The following TMEM87A variants were observed in gnomAD, a reference collection of about 807,000 sequenced individuals.
TMEM87A encodes the protein Golgi-pH regulating cation channel.
A neutral mutation model predicts 90.0 loss-of-function variants in TMEM87A; 50 were observed. The observed-to-expected ratio is 0.56, with a 90% CI of 0.44 to 0.70. The LOEUF is 0.70. TMEM87A is among the 30% of genes least tolerant of loss of function. The probability of loss-of-function intolerance (pLI) is 0.00; values close to 1 mark genes in which losing one functional copy is unlikely to be tolerated. For missense variants in TMEM87A, 577 were observed against 660.5 expected, an observed-to-expected ratio of 0.87 and a Z score of 1.39; for synonymous variants, 226 against 226.7, an observed-to-expected ratio of 1.00 and a Z score of 0.03.
At chr15:42,254,838 C>A (rs1406158176) in intron 6 of TMEM87A, among the ~76,000 whole-genome samples, 1 of 152,184 alleles carries the variant, frequency 6.6e-6, no homozygotes, top group Admixed American at 6.5e-5. Flanking sequence ...GAACCTTAAA[C>A]TATAGACTTT....
intron 3 of TMEM87A, among the ~76,000 whole-genome samples, chr15:42,266,097 G>A (rs540101688): frequency 1.3e-5 from 2 of 152,148 alleles, no homozygotes; most frequent in Non-Finnish European, 2.9e-5. Context: ...CTGTAGCCCT[G>A]TAGTACAGTT....
At chr15:42,268,676 A>G (rs2051453808) in intron 2 of TMEM87A, among the ~76,000 whole-genome samples, 1 of 151,670 alleles carries the variant, frequency 6.6e-6, no homozygotes, top group Admixed American at 6.6e-5. Flanking sequence ...CAAAAAACAT[A>G]AATAAATAAA....
intron 15 of TMEM87A, among the ~76,000 whole-genome samples, chr15:42,225,672 G>A (rs2050578717): frequency 6.6e-6 from 1 of 152,018 alleles, no homozygotes; most frequent in Admixed American, 6.6e-5. Context: ...GCTGGGATTA[G>A]AGGTGTGCAC....
At chr15:42,253,631 C>T (rs187832237) in intron 6 of TMEM87A, among the ~76,000 whole-genome samples, 19 of 152,284 alleles carry the variant, frequency 1.2e-4, no homozygotes, top group Admixed American at 4.6e-4. Context: ...ACCACGACTG[C>T]GAGTTGCCAT....
intron 6 of TMEM87A, among the ~76,000 whole-genome samples, chr15:42,253,077 A>G (rs2051114722): frequency 6.6e-6 from 1 of 152,228 alleles, no homozygotes; most frequent in Admixed American, 6.5e-5. Flanking sequence ...GTGTTTTGAC[A>G]AAGATTTCTT....
chr15:42,247,005 A>T (rs1328291022), intron 6 of TMEM87A, among the ~76,000 whole-genome samples: 2 of 152,074 alleles, frequency 1.3e-5, no homozygotes, highest in Non-Finnish European at 2.9e-5. Context: ...ATGAGATGGT[A>T]TCTCATTGTG....
intron 13 of TMEM87A, 99 bp downstream of exon 13, chr15:42,228,613 T>C: frequency 1.1e-6 from 1 of 931,054 alleles, no homozygotes; most frequent in Non-Finnish European, 1.7e-6. Flanking sequence ...CCAAGTGAAA[T>C]ATACAAAACT....
chr15:42,244,630 GA>G (rs1007920573), intron 6 of TMEM87A, among the ~76,000 whole-genome samples: 6 of 150,732 alleles, frequency 4.0e-5, no homozygotes, highest in Non-Finnish European at 7.4e-5. Flanking sequence ...AAGAATATCA[GA>G]ATTTCTGCTG....
At chr15:42,262,772 T>C (rs2051320703) in intron 4 of TMEM87A, among the ~76,000 whole-genome samples, 1 of 152,234 alleles carries the variant, frequency 6.6e-6, no homozygotes, top group African/African-American at 2.4e-5. Flanking sequence ...TTCTAGTAAT[T>C]TGACAGTTCA....
intron 8 of TMEM87A, 22 bp from the exon 9 acceptor site, chr15:42,237,637 G>T (rs755619302): frequency 1.3e-6 from 2 of 1,523,886 alleles, no homozygotes; most frequent in African/African-American, 2.8e-5. Flanking sequence ...TTGGGTAAAA[G>T]ATAAAAAGGA....
chr15:42,231,307 G>T, intron 11 of TMEM87A, 47 bp from the exon 12 acceptor site: 1 of 1,468,866 alleles, frequency 6.8e-7, no homozygotes, highest in Non-Finnish European at 9.1e-7. Context: ...GTCTAGAGAG[G>T]CACAGAGAAG....
intron 3 of TMEM87A, 114 bp downstream of exon 3, chr15:42,267,833 G>C: frequency 1.3e-6 from 1 of 747,100 alleles, no homozygotes; most frequent in South Asian, 2.6e-5. Flanking sequence ...ATGCATTCTA[G>C]TTTCAGCTCT....
intron 12 of TMEM87A, among the ~76,000 whole-genome samples, chr15:42,230,125 C>T (rs1213608258): frequency 6.6e-6 from 1 of 152,216 alleles, no homozygotes; most frequent in African/African-American, 2.4e-5. Context: ...CTGCACCCGG[C>T]TCAATTTTCA....
intron 13 of TMEM87A, 36 bp downstream of exon 13, chr15:42,228,676 C>G (rs765433710): frequency 6.4e-7 from 1 of 1,558,946 alleles, no homozygotes; most frequent in South Asian, 1.1e-5. Context: ...CTAAACAGAT[C>G]ACATTTGAAC....
At chr15:42,267,903 A>G (rs1218845767) in intron 3 of TMEM87A, 44 bp downstream of exon 3, 2 of 1,484,126 alleles carry the variant, frequency 1.3e-6, no homozygotes, top group African/African-American at 2.8e-5. Flanking sequence ...GGAACCAGAT[A>G]ATCACTAAGG....
intron 15 of TMEM87A, among the ~76,000 whole-genome samples, chr15:42,222,667 T>G (rs2050514577): frequency 1.3e-5 from 2 of 152,216 alleles, no homozygotes; most frequent in Middle Eastern, 3.4e-3. Context: ...CAAGCAATTC[T>G]GCTGTCTCAG....
chr15:42,220,603 T>G (rs2050460865), intron 15 of TMEM87A, among the ~76,000 whole-genome samples: 1 of 145,526 alleles, frequency 6.9e-6, no homozygotes, highest in South Asian at 2.3e-4. Flanking sequence ...AAATTGGGAG[T>G]TAAGAGAAGG....
At chr15:42,227,689 C>A in intron 14 of TMEM87A, 22 bp downstream of exon 14, 1 of 1,604,316 alleles carries the variant, frequency 6.2e-7, no homozygotes, top group African/African-American at 1.3e-5. Context: ...GTACATTATT[C>A]ATAAATGTGC....
chr15:42,236,344 A>C lies in TMEM87A; in HGVS notation c.944T>G (p.Val315Gly). ...CTTGACGATGCCATATCCCAGACTG[A>C]CTATGATGACCAGGGTTCGAGCCAG... ...RSLARTLVII[V>G]SLGYGIVKPR... Residue 315 changes from valine (V) to glycine (G), a missense_variant, in exon 10 of 20, where the codon GTC (valine) becomes GGC (glycine). Coordinates refer to ENST00000389834, the MANE Select transcript of TMEM87A (RefSeq NM_015497.5). 6.2e-7 allele frequency: 1 copy of C among 1,614,126 alleles called. No homozygotes were observed. The highest frequency in any genetic ancestry group is 8.5e-7 in the Non-Finnish European group (1 of 1,179,966).
Sources: gnomAD v4.1 joint callset for allele counts (sites outside exome capture counted in the v4.1 genomes callset) on GRCh38, gnomAD v4.1.1 for gene constraint, MANE v1.5 for transcripts, NCBI Gene and HGNC (gene_info 2026-07-23, HGNC 2026-07-21) for gene names.